ZFHX4: variants seen among roughly 807,000 people sequenced by gnomAD.
ZFHX4 encodes zinc finger homeobox protein 4.
Under a neutral mutation model 267.6 loss-of-function variants are expected in ZFHX4, and 56 were observed. The observed-to-expected ratio is 0.21, with a 90% CI of 0.17 to 0.26. The LOEUF is 0.26. Among genes scored for constraint, ZFHX4 ranks in the 10% least tolerant of loss-of-function variants. The pLI, the probability that ZFHX4 is intolerant of heterozygous loss-of-function variation, is 1.00. For missense variants in ZFHX4, 4,332 were observed against 4,420.0 expected (o/e 0.98, Z 0.56); for synonymous variants, 1,778 against 1,665.6 (o/e 1.07, Z -1.64).
rs765951206 is a variant in ZFHX4, at chr8:76,707,986, G to T, written c.3031G>T (p.Val1011Leu). The T allele has an allele frequency of 3.1e-6, 5 of 1,614,016 alleles. No individual in the cohort carries two copies. The South Asian group carries it at 4.4e-5, about 14-fold the overall frequency. Residue 1011 changes from valine to leucine, a missense_variant, in exon 3 of 11, where the codon GTG (valine) becomes TTG (leucine). Val to Leu is a conservative substitution (Grantham distance 32). Transcript: ENST00000651372. ...CNACDYYTNS[V>L]DKLRLHTTNH... ...CGCCTGTGACTATTACACCAACAGT[G>T]TGGATAAATTACGCTTGCATACCAC...
intron 3 of ZFHX4, among the ~76,000 whole-genome samples, chr8:76,760,856 G>A (rs955416935): frequency 4.0e-5 from 6 of 149,940 alleles, no homozygotes; most frequent in Non-Finnish European, 7.4e-5. Flanking sequence ...TCGAGCCAAA[G>A]CGATTGAGGC....
intron 1 of ZFHX4, among the ~76,000 whole-genome samples, chr8:76,702,289 C>T (rs966630209): frequency 9.2e-5 from 14 of 152,058 alleles, no homozygotes; most frequent in African/African-American, 3.1e-4. Flanking sequence ...TTCAGGGTCC[C>T]ATCTCAGATA....
intron 3 of ZFHX4, among the ~76,000 whole-genome samples, chr8:76,713,906 G>A (rs1033677815): frequency 2.0e-5 from 3 of 150,652 alleles, no homozygotes; most frequent in Admixed American, 6.6e-5. Context: ...ACACACACAC[G>A]ACCACCACCA....
rs755080090 is a variant in ZFHX4 at position 76,854,641 on chromosome 8, G to A, written c.7720G>A (p.Val2574Ile). The part of the protein sequence containing the change: ...SSSHTTAPTT[V>I]AASLKRKLDD... ...CTCCCACACCACAGCCCCCACAACG[G>A]TTGCTGCTTCCCTAAAAAGGAAACT... The change falls in exon 10 of 11, where the codon GTT becomes ATT. Residue 2574 changes from valine to isoleucine, a missense_variant. By Grantham distance (29) the Val-to-Ile change is conservative. Transcript: ENST00000651372. 1 of 1,613,662 alleles carries A rather than the reference G, an allele frequency of 6.2e-7. No homozygotes were observed. The highest frequency in any genetic ancestry group is 8.5e-7 in the Non-Finnish European group (1 of 1,179,852).
At chr8:76,727,252 CAAAG>C (rs1270200548) in intron 3 of ZFHX4, among the ~76,000 whole-genome samples, 2 of 152,056 alleles carry the variant, frequency 1.3e-5, no homozygotes, top group African/African-American at 4.8e-5. Context: ...CTGCTGGAAA[CAAAG>C]AGCTCTTGGG....
At chr8:76,795,546 T>C (rs1289471546) in intron 4 of ZFHX4, among the ~76,000 whole-genome samples, 1 of 149,224 alleles carries the variant, frequency 6.7e-6, no homozygotes, top group African/African-American at 2.5e-5. Flanking sequence ...TCCAAGTCTT[T>C]TTTTTTTTTT....
intron 4 of ZFHX4, among the ~76,000 whole-genome samples, chr8:76,818,702 A>G (rs1412007252): frequency 1.3e-5 from 2 of 152,178 alleles, no homozygotes; most frequent in Non-Finnish European, 2.9e-5. Flanking sequence ...ACTTGAGCCC[A>G]GGAGTTTGAG....
intron 3 of ZFHX4, among the ~76,000 whole-genome samples, chr8:76,760,462 A>G (rs1809879966): frequency 6.6e-6 from 1 of 152,190 alleles, no homozygotes; most frequent in Admixed American, 6.5e-5. Context: ...GAGAGTAGAG[A>G]CAAATACTTA....
chr8:76,854,463 GCA>G lies in ZFHX4; in HGVS notation c.7544_7545del (p.His2515LeufsTer26). ...LELWQEHQHM[H>X]FLAAQNQFLH... Reference sequence around the variant, plus strand: ...AACTCTGGCAGGAACACCAGCACATGCACTTCCTTGCTGCTCAAAACCAATTC... The same window carrying G: ...AACTCTGGCAGGAACACCAGCACATGCTTCCTTGCTGCTCAAAACCAATTC... On this transcript the variant is annotated frameshift_variant, in exon 10 of 11. Transcript: ENST00000651372. LOFTEE classifies it high-confidence loss of function. 6.2e-7 allele frequency: 1 copy of G among 1,613,876 alleles called. No homozygotes were observed. The highest frequency in any genetic ancestry group is 8.5e-7 in the Non-Finnish European group (1 of 1,179,864).
At chr8:76,682,120 C>G (rs1807548776) in intron 1 of ZFHX4, among the ~76,000 whole-genome samples, 1 of 152,066 alleles carries the variant, frequency 6.6e-6, no homozygotes, top group Non-Finnish European at 1.5e-5. Flanking sequence ...CCGCTCGCCC[C>G]GCGCCCCTGC....
intron 1 of ZFHX4, among the ~76,000 whole-genome samples, chr8:76,690,736 C>T (rs1807802318): frequency 6.6e-6 from 1 of 151,978 alleles, no homozygotes; most frequent in African/African-American, 2.4e-5. Flanking sequence ...GACACACACA[C>T]ACACATACAC....
At chr8:76,731,261 C>A (rs913408901) in intron 3 of ZFHX4, among the ~76,000 whole-genome samples, 2 of 152,116 alleles carry the variant, frequency 1.3e-5, no homozygotes, top group African/African-American at 2.4e-5. Context: ...ACAGTGCTCA[C>A]AAAGAGTTAC....
At chr8:76,797,217 C>T (rs892723716) in intron 4 of ZFHX4, among the ~76,000 whole-genome samples, 1 of 152,198 alleles carries the variant, frequency 6.6e-6, no homozygotes, top group African/African-American at 2.4e-5. Flanking sequence ...AAAACTCACT[C>T]TGTTGGCACT....
chr8:76,731,152 C>A (rs1170167926), intron 3 of ZFHX4, among the ~76,000 whole-genome samples: 2 of 152,148 alleles, frequency 1.3e-5, no homozygotes, highest in African/African-American at 4.8e-5. Context: ...AGGAGACTGT[C>A]CTGAGTATAT....
At chr8:76,835,330 G>T (rs1300187263) in intron 5 of ZFHX4, among the ~76,000 whole-genome samples, 1 of 147,890 alleles carries the variant, frequency 6.8e-6, no homozygotes, top group Non-Finnish European at 1.5e-5. Context: ...AATTTAAAAG[G>T]AAATTCACTC....
chr8:76,842,274 T>C (rs1355404439), intron 5 of ZFHX4, among the ~76,000 whole-genome samples: 2 of 152,234 alleles, frequency 1.3e-5, no homozygotes, highest in Non-Finnish European at 2.9e-5. Context: ...GAATCTGTTT[T>C]CTTTTTCCTG....
At chr8:76,850,134 T>G in intron 8 of ZFHX4, 111 bp from the exon 9 acceptor site, 1 of 853,414 alleles carries the variant, frequency 1.2e-6, no homozygotes, top group Non-Finnish European at 1.8e-6. Context: ...ACATCCCTGC[T>G]TTGGCTAAAA....
At position 76,855,666 on chromosome 8, in the gene ZFHX4, C is replaced by A. The variant is rs752886772; in HGVS notation, c.8745C>A (p.Ser2915=). ...CGAGCTCCCCAAATCCATTCGGATC[C>A]AGCAATCCCTTTAAATCCAAAAGTA... ...ADPSSPNPFG[S]SNPFKSKSND... is the part of the protein sequence containing the mutation. The change falls in exon 10 of 11, where the codon TCC becomes TCA. Residue 2915 remains serine (S), a synonymous_variant. Coordinates refer to ENST00000651372, the MANE Select transcript of ZFHX4 (RefSeq NM_024721.5). 2 of 1,613,916 alleles carry A rather than the reference C, an allele frequency of 1.2e-6. No homozygotes were observed. The highest frequency in any genetic ancestry group is 1.7e-6 in the Non-Finnish European group (2 of 1,179,876).
Position 76,855,357 on chromosome 8 carries a change from C to T in ZFHX4, c.8436C>T (p.Asp2812=), listed in dbSNP as rs757391976. Residue 2812 remains aspartate, a synonymous_variant, in exon 10 of 11, where the codon GAC becomes GAT. Coordinates refer to ENST00000651372, the MANE Select transcript of ZFHX4 (RefSeq NM_024721.5). ...ETSSINTAIS[D]ATTGDEGNTE... The stretch of plus-strand genomic sequence containing the variant: ...CATCGATTAATACGGCAATCAGTGA[C>T]GCCACCACCGGAGACGAGGGAAACA... 1.6e-5 allele frequency: 26 copies of T among 1,613,472 alleles called. No homozygotes were observed. The highest frequency in any genetic ancestry group is 2.2e-5 in the East Asian group (1 of 44,832).
Sources: gnomAD v4.1 joint callset for allele counts (sites outside exome capture counted in the v4.1 genomes callset) on GRCh38, gnomAD v4.1.1 for gene constraint, MANE v1.5 for transcripts, NCBI Gene and HGNC (gene_info 2026-07-23, HGNC 2026-07-21) for gene names.